SLCO3A1: variants seen among roughly 807,000 people sequenced by gnomAD.
The protein encoded by SLCO3A1 is PGE1 transporter.
SLCO3A1 carries 27 observed loss-of-function variants against 63.1 expected under a neutral mutation model. The observed-to-expected ratio is 0.43, with a 90% CI of 0.32 to 0.59. SLCO3A1 has a LOEUF of 0.59. SLCO3A1 is among the 20% of genes least tolerant of loss of function. The pLI, the probability that SLCO3A1 is intolerant of heterozygous loss-of-function variation, is 0.09. For missense variants in SLCO3A1, 773 were observed against 945.8 expected (o/e 0.82, Z 2.40); for synonymous variants, 473 against 409.9 (o/e 1.15, Z -1.86).
chr15:92,019,048 G>A (rs1028933112), intron 2 of SLCO3A1, among the ~76,000 whole-genome samples: 10 of 151,302 alleles, frequency 6.6e-5, no homozygotes, highest in Admixed American at 2.6e-4. Flanking sequence ...CGTCATTAAC[G>A]AGGCAGGTGT....
chr15:91,871,765 GTTTTTTT>G (rs33938693), intron 1 of SLCO3A1, among the ~76,000 whole-genome samples: 3 of 45,706 alleles, frequency 6.6e-5, no homozygotes, highest in Admixed American at 3.2e-4. Context: ...TTTTTTTTTG[GTTTTTTT>G]TTTTTTTTTT....
intron 9 of SLCO3A1, 159 bp from the exon 10 acceptor site, chr15:92,162,597 G>T: frequency 8.3e-7 from 1 of 1,198,284 alleles, no homozygotes; most frequent in East Asian, 2.6e-5. Context: ...AGGCAGAACT[G>T]GGACACAAAC....
At chr15:91,949,072 GA>G (rs1205967074) in intron 2 of SLCO3A1, among the ~76,000 whole-genome samples, 2 of 152,102 alleles carry the variant, frequency 1.3e-5, no homozygotes, top group Non-Finnish European at 1.5e-5. Flanking sequence ...TGTCCTTACT[GA>G]GTGCTGACCC....
At chr15:92,050,196 C>G (rs538291443) in intron 2 of SLCO3A1, among the ~76,000 whole-genome samples, 1 of 152,200 alleles carries the variant, frequency 6.6e-6, no homozygotes, top group Non-Finnish European at 1.5e-5. Context: ...CTCTCTGCTT[C>G]GAAGGTGTTA....
chr15:92,085,061 C>T (rs183385948), intron 2 of SLCO3A1, among the ~76,000 whole-genome samples: 2 of 152,332 alleles, frequency 1.3e-5, no homozygotes, highest in East Asian at 3.9e-4. Flanking sequence ...CACCACAGCC[C>T]TATAAAATGT....
chr15:91,913,119 G>A (rs946300844), intron 1 of SLCO3A1, among the ~76,000 whole-genome samples: 3 of 152,216 alleles, frequency 2.0e-5, no homozygotes, highest in South Asian at 2.1e-4. Context: ...GCTAAACTTC[G>A]TTTCTGAACA....
intron 9 of SLCO3A1, among the ~76,000 whole-genome samples, chr15:92,161,085 G>C (rs1719093659): frequency 6.6e-6 from 1 of 152,212 alleles, no homozygotes; most frequent in South Asian, 2.1e-4. Context: ...ACTCCAGACA[G>C]AGGTATAGAG....
intron 2 of SLCO3A1, among the ~76,000 whole-genome samples, chr15:92,029,752 T>G (rs1251980456): frequency 1.4e-5 from 2 of 147,234 alleles, no homozygotes; most frequent in Non-Finnish European, 3.0e-5. Context: ...AAAGGAAAGG[T>G]GAATGGCCTC....
Position 91,854,114 on chromosome 15 carries a change from C to T in SLCO3A1, c.180+26C>T, listed in dbSNP as rs777397554. The T allele has an allele frequency of 2.8e-6, 4 of 1,445,696 alleles. No individual in the cohort carries two copies. The highest frequency in any genetic ancestry group is 4.7e-5 in the Admixed American group (2 of 42,298). The allele number at this position is 1,445,696 out of a possible 1,614,324, so 89.6% of individuals were successfully genotyped here. Reference sequence around the variant, plus strand: ...GTGAGTCCCCGAGCCAACTCCGCCGCGGGCCCCTTCCCCAGCCCGGCTCTC... The same window carrying T: ...GTGAGTCCCCGAGCCAACTCCGCCGTGGGCCCCTTCCCCAGCCCGGCTCTC... On this transcript the variant is annotated intron_variant, in intron 1 of 9. Coordinates refer to ENST00000318445, the MANE Select transcript of SLCO3A1 (RefSeq NM_013272.4). This position sits in a 1 kb window ranked among gnomAD's most constrained non-coding sequence, Gnocchi z 6.4.
intron 2 of SLCO3A1, among the ~76,000 whole-genome samples, chr15:92,079,404 G>C (rs993223680): frequency 6.6e-5 from 10 of 152,228 alleles, no homozygotes; most frequent in Non-Finnish European, 1.0e-4. Flanking sequence ...CTGGAAGCCT[G>C]AGATGGTAGT....
At chr15:91,960,604 T>C (rs375956752) in intron 2 of SLCO3A1, among the ~76,000 whole-genome samples, 8 of 152,326 alleles carry the variant, frequency 5.3e-5, no homozygotes, top group African/African-American at 1.9e-4. Flanking sequence ...ATTTTACTTA[T>C]CTCAGCAGAC....
At chr15:91,915,091 A>G (rs1269295796) in intron 1 of SLCO3A1, among the ~76,000 whole-genome samples, 2 of 152,104 alleles carry the variant, frequency 1.3e-5, no homozygotes, top group African/African-American at 4.8e-5. Flanking sequence ...GAAGCCCTGT[A>G]AGAATGCATC....
intron 1 of SLCO3A1, among the ~76,000 whole-genome samples, chr15:91,857,388 A>G (rs935837423): frequency 2.0e-5 from 3 of 152,218 alleles, no homozygotes; most frequent in Non-Finnish European, 2.9e-5. Flanking sequence ...AGATAAACCA[A>G]TAGTCACAGG....
chr15:91,854,077 G>T lies in SLCO3A1; in HGVS notation c.169G>T (p.Gly57Cys). ...CCTGATGCTGGCGCAGGGCACGGTG[G>T]GCGCCTACCTGGTGAGTCCCCGAGC... ...CALMLAQGTV[G>C]AYLVSVLTTL... The change falls in exon 1 of 10, where the codon GGC becomes TGC. Residue 57 changes from glycine (G) to cysteine (C), a missense_variant. Physicochemically the swap from Gly to Cys is radical, Grantham distance 159. Around this residue, in one of 3 missense-constraint regions of SLCO3A1, gnomAD observed 565 missense variants for 749.8 expected, o/e 0.75. Transcript: ENST00000318445. The surrounding 1 kb of genome is among the most constrained non-coding windows in gnomAD (Gnocchi z 6.4). The T allele has an allele frequency of 6.6e-7, 1 of 1,518,840 alleles. No individual in the cohort carries two copies. Among genetic ancestry groups the T allele is most frequent in the Non-Finnish European group, 8.9e-7 (1 of 1,129,000 alleles). 94.1% of individuals were successfully genotyped at this position (1,518,840 alleles called of 1,614,324 possible). A position where few individuals can be genotyped will look rare whatever the true frequency, so the allele number is the denominator to read the frequency against.
chr15:92,141,453 C>T (rs72760121), intron 7 of SLCO3A1, among the ~76,000 whole-genome samples: 1,976 of 152,262 alleles, frequency 0.013, 9 homozygotes, highest in Non-Finnish European at 0.02. Context: ...CCAAATAGAA[C>T]TATGCTATTG....
intron 2 of SLCO3A1, among the ~76,000 whole-genome samples, chr15:92,019,693 G>A (rs1041502747): frequency 5.9e-5 from 9 of 152,162 alleles, no homozygotes; most frequent in East Asian, 5.8e-4. Context: ...TTAGCTGATC[G>A]CCCAGTTTCA....
At chr15:91,953,182 C>G (rs561934542) in intron 2 of SLCO3A1, among the ~76,000 whole-genome samples, 46 of 152,304 alleles carry the variant, frequency 3.0e-4, no homozygotes, top group African/African-American at 1.1e-3. Context: ...TATAAAGTGG[C>G]TAACGTAAGA....
chr15:91,926,600 C>CGCGT (rs1899034501), intron 2 of SLCO3A1, among the ~76,000 whole-genome samples: 1 of 26,766 alleles, frequency 3.7e-5, no homozygotes, highest in Non-Finnish European at 7.2e-5. Context: ...TGTGTGTGCG[C>CGCGT]GCGCGCACGC....
Position 92,013,275 on chromosome 15 carries a change from G to A in SLCO3A1, c.647-81606G>A, listed in dbSNP as rs150330697. On this transcript the variant is annotated intron_variant, in intron 2 of 9. Coordinates refer to ENST00000318445, the MANE Select transcript of SLCO3A1 (RefSeq NM_013272.4). ...CTCTCGGCAGCATGGATTGATATTG[G>A]TATCTCATTTCGTGGATGAATAGAG... Among the ~76,000 whole-genome samples, 572 of 152,330 alleles carry A rather than the reference G, an allele frequency of 3.8e-3. 5 individuals are homozygous for A. Among genetic ancestry groups the A allele is most frequent in the African/African-American group, 0.013 (532 of 41,578 alleles).
Sources: gnomAD v4.1 joint callset for allele counts (sites outside exome capture counted in the v4.1 genomes callset) on GRCh38, gnomAD v4.1.1 for gene constraint, gnomAD v4.1.1 regional missense constraint, Gnocchi (gnomAD v3.1) non-coding constraint, MANE v1.5 for transcripts, NCBI Gene and HGNC (gene_info 2026-07-23, HGNC 2026-07-21) for gene names.